Variants in CYP4F2 observed in about 807,000 individuals in gnomAD.
The protein encoded by CYP4F2 is cytochrome P450 family 4 subfamily F member 2.
Under a neutral mutation model 58.9 loss-of-function variants are expected in CYP4F2, and 58 were observed. The ratio of observed to expected loss-of-function variants is 0.98; its 90% CI spans 0.80 to 1.23. The LOEUF (loss-of-function observed/expected upper bound fraction) is 1.23, where lower values mean the gene tolerates loss of function less well. Ranked by LOEUF, CYP4F2 falls within the 50% of genes most tolerant of loss-of-function variation. The probability of loss-of-function intolerance (pLI) is 0.00; values close to 1 mark genes in which losing one functional copy is unlikely to be tolerated. For synonymous variants in CYP4F2, 287 were observed against 261.1 expected, an observed-to-expected ratio of 1.10 and a Z score of -0.95; for missense variants, 616 against 685.6, an observed-to-expected ratio of 0.90 and a Z score of 1.13.
intron 2 of CYP4F2, 101 bp downstream of exon 2, chr19:15,897,313 C>G: frequency 8.7e-7 from 1 of 1,144,338 alleles, no homozygotes; most frequent in Middle Eastern, 2.1e-4. Context: ...CTCTGCCACC[C>G]CAGATCCCAG....
In CYP4F2 at chr19:15,878,659, A is replaced by G. The variant is rs1373769386; in HGVS notation, c.*112T>C. ...CACTTGTCTCAATTATTTTGAGTAG[A>G]TATCTAGGATGGAATACAGGACTGT... On this transcript the variant is annotated 3_prime_UTR_variant, in exon 13 of 13. Coordinates refer to ENST00000221700, the MANE Select transcript of CYP4F2 (RefSeq NM_001082.5). 9.9e-6 allele frequency: 13 copies of G among 1,313,590 alleles called. No individual in the cohort carries two copies. The highest frequency in any genetic ancestry group is 1.3e-5 in the Non-Finnish European group (13 of 972,210). 81.4% of individuals were successfully genotyped at this position (1,313,590 alleles called of 1,614,324 possible).
chr19:15,897,516 G>A lies in CYP4F2; in HGVS notation c.96C>T (p.Ala32=), dbSNP rs554886092. The stretch of plus-strand genomic sequence containing the variant: ...AGGCGTAGGTCCAGGCCAGGACATG[G>A]GCCAGGAGCCAGGAGGCCCCGACCA... The part of the protein sequence containing the change: ...LLLVGASWLL[A]HVLAWTYAFY... Residue 32 remains alanine (A), a synonymous_variant, in exon 2 of 13, where the codon GCC becomes GCT. Transcript: ENST00000221700. The A allele has an allele frequency of 1.5e-5, 25 of 1,613,984 alleles. No individual in the cohort carries two copies. In the South Asian group the frequency reaches 2.5e-4, roughly 16 times the overall value.
At chr19:15,881,387 AATAT>A (rs1003260363) in intron 9 of CYP4F2, among the ~76,000 whole-genome samples, 1 of 152,226 alleles carries the variant, frequency 6.6e-6, no homozygotes, top group African/African-American at 2.4e-5. Context: ...AAAGTATATG[AATAT>A]ATATTTATGA....
chr19:15,892,477 T>G (rs754749070), intron 4 of CYP4F2, 41 bp from the exon 5 acceptor site: 2 of 1,613,886 alleles, frequency 1.2e-6, no homozygotes, highest in South Asian at 2.2e-5. Context: ...GACCTCTCCC[T>G]CCCCTGGCCC....
intron 2 of CYP4F2, 103 bp downstream of exon 2, chr19:15,897,310 AC>A: frequency 8.9e-7 from 1 of 1,117,330 alleles, no homozygotes; most frequent in Non-Finnish European, 1.3e-6. Flanking sequence ...CTTCTCTGCC[AC>A]CCCAGATCCC....
chr19:15,885,891 T>A, intron 9 of CYP4F2, 33 bp downstream of exon 9: 1 of 1,603,128 alleles, frequency 6.2e-7, no homozygotes, highest in Non-Finnish European at 8.5e-7. Context: ...AATGAGAAGG[T>A]CTCAGGAAGA....
At chr19:15,882,828 G>T (rs2089353575) in intron 9 of CYP4F2, among the ~76,000 whole-genome samples, 1 of 152,138 alleles carries the variant, frequency 6.6e-6, no homozygotes, top group African/African-American at 2.4e-5. Flanking sequence ...TCTTTACAAA[G>T]AAAAACACAG....
rs2089319161 is a variant in CYP4F2 at position 15,878,436 on chromosome 19, A to G, written c.*335T>C. The G allele has an allele frequency of 1.7e-5, 5 of 296,462 alleles. No homozygotes were observed. Among genetic ancestry groups the G allele is most frequent in the Non-Finnish European group, 3.1e-5 (5 of 159,346 alleles). 18.4% of individuals were successfully genotyped at this position (296,462 alleles called of 1,614,324 possible). A position where few individuals can be genotyped will look rare whatever the true frequency, so the allele number is the denominator to read the frequency against. On this transcript the variant is annotated 3_prime_UTR_variant, in exon 13 of 13. Coordinates refer to ENST00000221700, the MANE Select transcript of CYP4F2 (RefSeq NM_001082.5). Reference sequence around the variant, plus strand: ...TGACGTCTTTCATTCAGTATCATGCATTCAAGGTTCATCCACAGTGTAGTA... The same window carrying G: ...TGACGTCTTTCATTCAGTATCATGCGTTCAAGGTTCATCCACAGTGTAGTA...
chr19:15,883,542 C>T (rs920925170), intron 9 of CYP4F2, among the ~76,000 whole-genome samples: 6 of 152,088 alleles, frequency 3.9e-5, no homozygotes, highest in Admixed American at 2.0e-4. Flanking sequence ...TATAAATTAG[C>T]GCAGCCACTG....
intron 3 of CYP4F2, among the ~76,000 whole-genome samples, chr19:15,894,267 C>T (rs996151523): frequency 5.3e-5 from 8 of 152,164 alleles, no homozygotes; most frequent in African/African-American, 1.9e-4. Flanking sequence ...CTTCTTTGTG[C>T]CCCCAAAACA....
intron 9 of CYP4F2, among the ~76,000 whole-genome samples, chr19:15,884,032 C>G (rs904247687): frequency 6.6e-6 from 1 of 151,722 alleles, no homozygotes; most frequent in African/African-American, 2.4e-5. Flanking sequence ...GCACTTCAGC[C>G]TGGGCGACAG....
Position 15,879,829 on chromosome 19 carries a change from A to G in CYP4F2, c.1184T>C (p.Val395Ala). ...MKESLRLHPPVPVISRHVTQD... is the reference protein window; with the variant it reads ...MKESLRLHPPAPVISRHVTQD... ...GGTGACATGGCGGGAGATGACCGGG[A>G]CTGGGGGATGCAGCCGCAGGCTCTC... Residue 395 changes from valine to alanine, a missense_variant, in exon 10 of 13, where the codon GTC becomes GCC. Coordinates refer to ENST00000221700, the MANE Select transcript of CYP4F2 (RefSeq NM_001082.5). The G allele has an allele frequency of 6.2e-7, 1 of 1,614,066 alleles. No homozygotes were observed. Among genetic ancestry groups the G allele is most frequent in the Non-Finnish European group, 8.5e-7 (1 of 1,180,006 alleles).
chr19:15,880,587 C>CA (rs2089338572), intron 9 of CYP4F2, among the ~76,000 whole-genome samples: 1 of 151,524 alleles, frequency 6.6e-6, no homozygotes, highest in Non-Finnish European at 1.5e-5. Flanking sequence ...GAGATCACAC[C>CA]ACTGCACTCC....
chr19:15,895,631 C>CCCT lies in CYP4F2; in HGVS notation c.215_217dup (p.Glu72dup), dbSNP rs2089443265. 1 of 1,599,056 alleles carries CCCT rather than the reference C, an allele frequency of 6.3e-7. No homozygotes were observed. The highest frequency in any genetic ancestry group is 1.1e-5 in the South Asian group (1 of 88,426). ...CACCAGCTGAGTCAGAACTCTCATG[C>CCCT]CCTCCTCTGTGGGGTTGACCTGCAA... On this transcript the variant is annotated inframe_insertion, in exon 3 of 13. Transcript: ENST00000221700.
intron 5 of CYP4F2, among the ~76,000 whole-genome samples, chr19:15,891,623 C>T (rs137929870): frequency 2.0e-5 from 3 of 152,076 alleles, no homozygotes; most frequent in Non-Finnish European, 2.9e-5. Flanking sequence ...TTTTGGCTTT[C>T]GATGTCAAAA....
intron 3 of CYP4F2, among the ~76,000 whole-genome samples, chr19:15,895,225 C>CT: frequency 6.6e-6 from 1 of 152,288 alleles, no homozygotes; most frequent in East Asian, 1.9e-4. Context: ...ATATCTCTAT[C>CT]CAGGTCCATC....
chr19:15,883,936 A>G (rs3093183), intron 9 of CYP4F2, among the ~76,000 whole-genome samples: 3,014 of 152,148 alleles, frequency 0.02, 105 homozygotes, highest in African/African-American at 0.067. Flanking sequence ...GTGTGCACCC[A>G]TAGTCCCAGC....
chr19:15,892,490 C>T, intron 4 of CYP4F2, 39 bp downstream of exon 4: 1 of 1,614,002 alleles, frequency 6.2e-7, no homozygotes, highest in Non-Finnish European at 8.5e-7. Context: ...CCTGGCCCCC[C>T]AACGTTTTTC....
At position 15,890,524 on chromosome 19, in the gene CYP4F2, A is replaced by T. The variant is rs551944762; in HGVS notation, c.526-91T>A. ...ACTGCCAAGATGGGCTCCCCAGAAT[A>T]AGCCTCTTCATCTTCTCCCCAGGGA... On this transcript the variant is annotated intron_variant, in intron 5 of 12. Coordinates refer to ENST00000221700, the MANE Select transcript of CYP4F2 (RefSeq NM_001082.5). 22 of 1,549,226 alleles carry T rather than the reference A, an allele frequency of 1.4e-5. No individual in the cohort carries two copies. The African/African-American group carries it at 2.8e-4, about 19-fold the overall frequency.
Sources: gnomAD v4.1 joint callset for allele counts (sites outside exome capture counted in the v4.1 genomes callset) on GRCh38, gnomAD v4.1.1 for gene constraint, MANE v1.5 for transcripts, NCBI Gene and HGNC (gene_info 2026-07-23, HGNC 2026-07-21) for gene names.